Variants in CNOT6 observed in about 807,000 individuals in gnomAD.
The protein encoded by CNOT6 is carbon catabolite repression 4 protein.
Under a neutral mutation model 61.2 loss-of-function variants are expected in CNOT6, and 12 were observed. The observed-to-expected ratio is 0.20, with a 90% CI of 0.13 to 0.32. The LOEUF is 0.32. CNOT6 is among the 10% of genes least tolerant of loss of function. CNOT6 has a pLI of 1.00. For missense variants in CNOT6, 405 were observed against 663.9 expected (o/e 0.61, Z 4.28); for synonymous variants, 225 against 240.6 (o/e 0.94, Z 0.60).
intron 8 of CNOT6, among the ~76,000 whole-genome samples, chr5:180,567,533 T>C (rs1411894579): frequency 6.6e-6 from 1 of 152,240 alleles, no homozygotes; most frequent in African/African-American, 2.4e-5. Context: ...GTACAGGGAT[T>C]CTTAAACCCA....
intron 4 of CNOT6, among the ~76,000 whole-genome samples, chr5:180,563,785 T>C (rs542931214): frequency 6.6e-6 from 1 of 152,332 alleles, no homozygotes; most frequent in African/African-American, 2.4e-5. Context: ...TGCGCTGCAC[T>C]GTTGTTATTT....
intron 3 of CNOT6, 94 bp from the exon 4 acceptor site, chr5:180,553,292 C>G: frequency 1.5e-6 from 1 of 685,436 alleles, no homozygotes; most frequent in Non-Finnish European, 2.5e-6. Flanking sequence ...TTTTTTCATT[C>G]TTAGGTGCTT....
chr5:180,531,211 G>T (rs1422659737), intron 2 of CNOT6, among the ~76,000 whole-genome samples: 15 of 147,344 alleles, frequency 1.0e-4, no homozygotes, highest in Non-Finnish European at 2.1e-4. Context: ...AGGCAGAGGG[G>T]CTCCTCACTT....
intron 1 of CNOT6, among the ~76,000 whole-genome samples, chr5:180,503,350 G>C (rs983212836): frequency 1.1e-4 from 17 of 148,852 alleles, no homozygotes; most frequent in Admixed American, 1.1e-3. Flanking sequence ...TGCAACCTCT[G>C]CCTCCTGGGT....
At chr5:180,524,734 G>A (rs922686304) in intron 1 of CNOT6, among the ~76,000 whole-genome samples, 6 of 152,174 alleles carry the variant, frequency 3.9e-5, no homozygotes, top group Non-Finnish European at 7.3e-5. Context: ...GCTTACATGA[G>A]ATTGATAAAT....
intron 1 of CNOT6, among the ~76,000 whole-genome samples, chr5:180,499,328 C>T (rs1756761354): frequency 6.6e-6 from 1 of 152,190 alleles, no homozygotes; most frequent in African/African-American, 2.4e-5. Flanking sequence ...AGACCTTAAG[C>T]TGGAAAATTC....
chr5:180,505,810 A>G (rs1313966439), intron 1 of CNOT6, among the ~76,000 whole-genome samples: 1 of 152,154 alleles, frequency 6.6e-6, no homozygotes, highest in Non-Finnish European at 1.5e-5. Context: ...GGCCTCCCAA[A>G]GTGCTGGGAT....
Position 180,541,440 on chromosome 5 carries a change from AATTTTTTTTTTT to A in CNOT6, c.113-8490_113-8479del, listed in dbSNP as rs1168194417. Among the ~76,000 whole-genome samples, 19 of 103,000 alleles carry A rather than the reference AATTTTTTTTTTT, an allele frequency of 1.8e-4. 1 individual carries two copies. Among genetic ancestry groups the A allele is most frequent in the African/African-American group, 4.4e-4 (12 of 27,442 alleles). The allele number at this position is 103,000 out of a possible 152,430, so 67.6% of individuals were successfully genotyped here. A position where few individuals can be genotyped will look rare whatever the true frequency, so the allele number is the denominator to read the frequency against. On this transcript the variant is annotated intron_variant, in intron 2 of 11. Transcript: ENST00000261951. ...CATGAACCACCACAACTGGCCAAGA[AATTTTTTTTTTT>A]TTTTTTTTTTTTTTTTTGAGACAGA...
chr5:180,495,052 C>G (rs1561625376), intron 1 of CNOT6, among the ~76,000 whole-genome samples: 1 of 152,164 alleles, frequency 6.6e-6, no homozygotes. Flanking sequence ...GGATCCCGGC[C>G]GGTCCCGGCT....
chr5:180,551,053 G>A (rs564569930), intron 3 of CNOT6, among the ~76,000 whole-genome samples: 1 of 152,140 alleles, frequency 6.6e-6, no homozygotes, highest in African/African-American at 2.4e-5. Flanking sequence ...TTAAGAAATG[G>A]TAATTGCAGA....
intron 1 of CNOT6, among the ~76,000 whole-genome samples, chr5:180,527,873 A>G (rs1019516014): frequency 1.3e-5 from 2 of 152,168 alleles, no homozygotes; most frequent in African/African-American, 2.4e-5. Context: ...AGCAGCAGCA[A>G]TAGATTCTCA....
intron 1 of CNOT6, among the ~76,000 whole-genome samples, chr5:180,499,519 C>T (rs1217467975): frequency 3.3e-5 from 5 of 152,200 alleles, no homozygotes; most frequent in Admixed American, 3.3e-4. Flanking sequence ...AGTTCTCATA[C>T]AACTGTTAAT....
chr5:180,520,123 C>T (rs534991065), intron 1 of CNOT6, among the ~76,000 whole-genome samples: 4 of 152,138 alleles, frequency 2.6e-5, no homozygotes, highest in Admixed American at 6.5e-5. Context: ...TGTGAGCCAC[C>T]GCATCCAGCC....
intron 1 of CNOT6, among the ~76,000 whole-genome samples, chr5:180,504,491 C>G (rs55688275): frequency 0.02 from 2,874 of 141,450 alleles, 38 homozygotes; most frequent in Non-Finnish European, 0.03. Context: ...TATTATGGTT[C>G]ATTCCAAGAG....
chr5:180,504,955 ATTTT>A (rs769852255), intron 1 of CNOT6, among the ~76,000 whole-genome samples: 13 of 101,504 alleles, frequency 1.3e-4, no homozygotes, highest in African/African-American at 3.9e-4. Context: ...GTACTAGTTA[ATTTT>A]TTTTTTTTTT....
At chr5:180,538,155 C>T (rs1404144649) in intron 2 of CNOT6, among the ~76,000 whole-genome samples, 1 of 150,210 alleles carries the variant, frequency 6.7e-6, no homozygotes, top group Non-Finnish European at 1.5e-5. Flanking sequence ...TGTCCTGCCT[C>T]AGCCTCCCAA....
chr5:180,539,546 C>CTGT (rs1758909530), intron 2 of CNOT6, among the ~76,000 whole-genome samples: 2 of 42,950 alleles, frequency 4.7e-5, no homozygotes, highest in African/African-American at 1.5e-4. Flanking sequence ...AGTACTTTTT[C>CTGT]TGTTCTTTTT....
At chr5:180,508,165 G>A (rs1757217202) in intron 1 of CNOT6, among the ~76,000 whole-genome samples, 1 of 145,340 alleles carries the variant, frequency 6.9e-6, no homozygotes, top group Non-Finnish European at 1.5e-5. Context: ...GTGGGTGAGA[G>A]ATTTAGGAAG....
chr5:180,564,839 C>A, intron 6 of CNOT6, 96 bp downstream of exon 6: 1 of 998,860 alleles, frequency 1.0e-6, no homozygotes, highest in Non-Finnish European at 1.5e-6. Flanking sequence ...AGCATTAAGA[C>A]AAAATGTTTA....
Sources: allele counts gnomAD v4.1 joint callset (sites outside exome capture counted in the v4.1 genomes callset), GRCh38; gene constraint gnomAD v4.1.1; transcripts MANE v1.5; gene names NCBI Gene and HGNC (gene_info 2026-07-23, HGNC 2026-07-21).